Variants in PDE4D observed in about 807,000 individuals in gnomAD.
The protein encoded by PDE4D is 3',5'-cyclic-AMP phosphodiesterase 4D.
Under a neutral mutation model 87.4 loss-of-function variants are expected in PDE4D, and 24 were observed. That is an observed-to-expected ratio of 0.27 (90% CI 0.20 to 0.39). The LOEUF is 0.39. Among genes scored for constraint, PDE4D ranks in the 10% least tolerant of loss-of-function variants. PDE4D has a pLI of 1.00. For missense variants in PDE4D, 714 were observed against 1,041.0 expected (o/e 0.69, Z 4.32); for synonymous variants, 384 against 383.2 (o/e 1.00, Z -0.02).
At chr5:59,620,250 C>A (rs1830189614) in intron 1 of PDE4D, among the ~76,000 whole-genome samples, 1 of 152,068 alleles carries the variant, frequency 6.6e-6, no homozygotes, top group Non-Finnish European at 1.5e-5. Context: ...TGCTGTGGCA[C>A]CAGTGTAAGT....
chr5:60,069,431 C>A (rs915330130), intron 2 of PDE4D, among the ~76,000 whole-genome samples: 18 of 152,228 alleles, frequency 1.2e-4, no homozygotes, highest in Admixed American at 3.9e-4. Context: ...AAATATATTT[C>A]TGTTGTTATA....
rs982128098 is a variant in PDE4D at position 59,461,181 on chromosome 5, TA to T, written c.456-245214del. Among the ~76,000 whole-genome samples, 7 of 148,644 alleles carry T rather than the reference TA, an allele frequency of 4.7e-5. No individual in the cohort carries two copies. The South Asian group carries it at 6.4e-4, about 14-fold the overall frequency. ...ACATAAATAGCTAAGAAATTTTAGG[TA>T]AAAAAAAAAGTTTGTTTAAAAGCAT... On this transcript the variant is annotated intron_variant, in intron 1 of 14. Coordinates refer to ENST00000340635, the MANE Select transcript of PDE4D (RefSeq NM_001104631.2).
intron 1 of PDE4D, among the ~76,000 whole-genome samples, chr5:60,311,192 TTTTGTA>T (rs149683379): frequency 0.088 from 13,340 of 152,094 alleles, 1,919 homozygotes; most frequent in African/African-American, 0.31. Flanking sequence ...AATTTTGTAT[TTTTGTA>T]TTTCGTAGAG....
In PDE4D at chr5:60,047,890, G is replaced by C. The variant is rs529808269; in HGVS notation, c.43-59173C>G. ...TAGATGTCTATTAGGTCTGCTTGGTGCAGAGCTGAGTTCAATTCCAGGGTA... is the reference window on the plus strand; with the variant it reads ...TAGATGTCTATTAGGTCTGCTTGGTCCAGAGCTGAGTTCAATTCCAGGGTA... On this transcript the variant is annotated intron_variant, in intron 2 of 16. Coordinates refer to the PDE4D transcript ENST00000502484. 5.9e-5 allele frequency among the ~76,000 whole-genome samples: 9 copies of C among 152,190 alleles called. No homozygotes were observed. In the South Asian group the frequency reaches 1.9e-3, roughly 32 times the overall value.
At chr5:60,277,867 C>T (rs1751532466) in intron 1 of PDE4D, among the ~76,000 whole-genome samples, 1 of 152,092 alleles carries the variant, frequency 6.6e-6, no homozygotes, top group African/African-American at 2.4e-5. Flanking sequence ...GTCCCTTTAA[C>T]CCTCCACACT....
chr5:59,266,082 A>T (rs1762809452), intron 1 of PDE4D, among the ~76,000 whole-genome samples: 1 of 151,954 alleles, frequency 6.6e-6, no homozygotes, highest in Non-Finnish European at 1.5e-5. Flanking sequence ...TTCAGCTCAA[A>T]CTTCATTTTT....
At chr5:59,155,490 G>A (rs745867573) in intron 5 of PDE4D, among the ~76,000 whole-genome samples, 2 of 152,304 alleles carry the variant, frequency 1.3e-5, no homozygotes, top group South Asian at 2.1e-4. Context: ...TGAGAAAGTC[G>A]TACTACAGTG....
At chr5:59,872,776 AC>A in intron 1 of PDE4D, among the ~76,000 whole-genome samples, 1 of 152,224 alleles carries the variant, frequency 6.6e-6, no homozygotes, top group Non-Finnish European at 1.5e-5. Flanking sequence ...AAACAAAGAA[AC>A]AATAGGGAAT....
chr5:59,285,522 A>G (rs904410481), intron 1 of PDE4D, among the ~76,000 whole-genome samples: 1 of 152,062 alleles, frequency 6.6e-6, no homozygotes, highest in Non-Finnish European at 1.5e-5. Context: ...ATTAAAAAAA[A>G]AATTCTCCCA....
At chr5:59,651,258 C>CAACAACAAT (rs551682264) in intron 1 of PDE4D, among the ~76,000 whole-genome samples, 9 of 142,258 alleles carry the variant, frequency 6.3e-5, no homozygotes, top group South Asian at 4.5e-4. Context: ...TCTGTCTCAA[C>CAACAACAAT]AATAATAATA....
intron 1 of PDE4D, among the ~76,000 whole-genome samples, chr5:59,591,420 T>C (rs1825902499): frequency 6.6e-6 from 1 of 152,140 alleles, no homozygotes; most frequent in African/African-American, 2.4e-5. Context: ...TATCAGAGGG[T>C]GTGATGAGTT....
At chr5:59,284,848 G>T (rs1308584430) in intron 1 of PDE4D, among the ~76,000 whole-genome samples, 7 of 45,180 alleles carry the variant, frequency 1.5e-4, no homozygotes, top group African/African-American at 6.1e-4. Flanking sequence ...TTAAGAAAAT[G>T]TGGCACATAT....
chr5:59,219,887 T>C (rs1000620126), intron 1 of PDE4D, among the ~76,000 whole-genome samples: 17 of 152,194 alleles, frequency 1.1e-4, no homozygotes, highest in Non-Finnish European at 1.6e-4. Context: ...GTGGAGGCCA[T>C]CCAGCAAAAG....
At chr5:60,251,484 T>G (rs914862066) in intron 1 of PDE4D, among the ~76,000 whole-genome samples, 2 of 151,982 alleles carry the variant, frequency 1.3e-5, no homozygotes, top group African/African-American at 2.4e-5. Flanking sequence ...TCTGCATTAG[T>G]TTGTTAAGGA....
chr5:59,462,208 C>A (rs190614136), intron 1 of PDE4D, among the ~76,000 whole-genome samples: 1 of 152,158 alleles, frequency 6.6e-6, no homozygotes, highest in Non-Finnish European at 1.5e-5. Context: ...CCTAAATTAT[C>A]TCCATTTCCC....
chr5:60,443,561 T>C (rs1745408977), intron 1 of PDE4D, among the ~76,000 whole-genome samples: 1 of 152,182 alleles, frequency 6.6e-6, no homozygotes. Context: ...GAGCGGCTTA[T>C]GTCAGATGAA....
intron 1 of PDE4D, among the ~76,000 whole-genome samples, chr5:59,381,338 T>A (rs1346587258): frequency 6.6e-6 from 1 of 152,190 alleles, no homozygotes; most frequent in Non-Finnish European, 1.5e-5. Flanking sequence ...CAAATCGCTT[T>A]ACCCATCAAG....
At chr5:59,643,491 G>A (rs990110906) in intron 1 of PDE4D, among the ~76,000 whole-genome samples, 19 of 151,970 alleles carry the variant, frequency 1.3e-4, no homozygotes, top group African/African-American at 4.4e-4. Flanking sequence ...TCTCAGTTTT[G>A]GTAATTTTCT....
chr5:59,812,737 G>A (rs996362961), intron 1 of PDE4D, among the ~76,000 whole-genome samples: 1 of 151,932 alleles, frequency 6.6e-6, no homozygotes, highest in African/African-American at 2.4e-5. Context: ...ACTAAATCCA[G>A]TTTATAAGAA....
Sources: allele counts gnomAD v4.1 joint callset (sites outside exome capture counted in the v4.1 genomes callset), GRCh38; gene constraint gnomAD v4.1.1; transcripts MANE v1.5; gene names NCBI Gene and HGNC (gene_info 2026-07-23, HGNC 2026-07-21).